The following DHX57 variants were observed in gnomAD, a reference collection of about 807,000 sequenced individuals.
DHX57 encodes the protein DExH-box helicase 57, also known as putative ATP-dependent RNA helicase DHX57.
A neutral mutation model predicts 156.2 loss-of-function variants in DHX57; 105 were observed. That is an observed-to-expected ratio of 0.67 (90% CI 0.57 to 0.79). DHX57 has a LOEUF of 0.79. DHX57 is among the 30% of genes least tolerant of loss of function. DHX57 has a pLI of 0.00. For missense variants in DHX57, 1,847 were observed against 1,661.9 expected (o/e 1.11, Z -1.94); for synonymous variants, 704 against 595.6 (o/e 1.18, Z -2.65).
At chr2:38,867,508 CA>C in intron 2 of DHX57, among the ~76,000 whole-genome samples, 1 of 152,282 alleles carries the variant, frequency 6.6e-6, no homozygotes. Flanking sequence ...CTGGAAAATA[CA>C]CAGCTCATCA....
chr2:38,818,055 C>G (rs1283394207), intron 19 of DHX57, among the ~76,000 whole-genome samples: 1 of 151,884 alleles, frequency 6.6e-6, no homozygotes, highest in East Asian at 1.9e-4. Flanking sequence ...GAAAAATTAA[C>G]AAAATCTGGT....
intron 19 of DHX57, among the ~76,000 whole-genome samples, chr2:38,817,374 G>A (rs1357728247): frequency 6.6e-6 from 1 of 152,060 alleles, no homozygotes; most frequent in Non-Finnish European, 1.5e-5. Context: ...GAGTGCAATG[G>A]CACAATCTCA....
chr2:38,799,755 A>AC (rs1669582451), intron 23 of DHX57, among the ~76,000 whole-genome samples: 1 of 147,708 alleles, frequency 6.8e-6, no homozygotes, highest in South Asian at 2.2e-4. Flanking sequence ...CATCTCAAAA[A>AC]AAAAAAAAAA....
intron 17 of DHX57, among the ~76,000 whole-genome samples, chr2:38,821,927 A>G (rs1410537963): frequency 1.3e-5 from 2 of 152,176 alleles, no homozygotes; most frequent in Non-Finnish European, 2.9e-5. Flanking sequence ...AAAAAAATAA[A>G]CTATCACAAC....
chr2:38,858,569 T>C, intron 6 of DHX57, 92 bp downstream of exon 6: 4 of 1,464,936 alleles, frequency 2.7e-6, no homozygotes, highest in Non-Finnish European at 3.6e-6. Context: ...ACCAGAAGAA[T>C]TTTAAGGAGG....
intron 16 of DHX57, among the ~76,000 whole-genome samples, chr2:38,823,947 G>A (rs1460852594): frequency 6.6e-6 from 1 of 151,992 alleles, no homozygotes; most frequent in Non-Finnish European, 1.5e-5. Context: ...GGAGGTGGAG[G>A]TTGCAGTGAG....
In DHX57 at chr2:38,815,547, C is replaced by T; in HGVS notation, c.3580G>A (p.Gly1194Ser). 2 of 1,613,890 alleles carry T rather than the reference C, an allele frequency of 1.2e-6. No homozygotes were observed. Among genetic ancestry groups the T allele is most frequent in the Non-Finnish European group, 1.7e-6 (2 of 1,179,966 alleles). Residue 1194 changes from glycine to serine, a missense_variant, in exon 20 of 24, where the codon GGT (glycine) becomes AGT (serine). Physicochemically the swap from Gly to Ser is moderately conservative, Grantham distance 56. Coordinates refer to ENST00000457308, the MANE Select transcript of DHX57 (RefSeq NM_198963.3). The part of the protein sequence containing the change: ...EIEKRAQGGD[G>S]VLDATGEEAN... ...TCTTCTCCTGTGGCATCTAAGACAC[C>T]ATCTCCTCCTTGGGCCCTTTTCTCA...
chr2:38,842,305 C>A (rs1201190737), intron 12 of DHX57, among the ~76,000 whole-genome samples: 1 of 152,092 alleles, frequency 6.6e-6, no homozygotes, highest in Non-Finnish European at 1.5e-5. Flanking sequence ...TCAAAGGAGA[C>A]TAAGAATACA....
intron 1 of DHX57, among the ~76,000 whole-genome samples, chr2:38,869,314 C>A (rs1665246691): frequency 6.6e-6 from 1 of 151,966 alleles, no homozygotes. Flanking sequence ...GAAGTTCAAA[C>A]CTAAAGGTGC....
At chr2:38,806,830 ATTTT>A (rs1657730436) in intron 21 of DHX57, 137 bp from the exon 22 acceptor site, 1 of 815,344 alleles carries the variant, frequency 1.2e-6, no homozygotes, top group Non-Finnish European at 1.8e-6. Flanking sequence ...TTTCTTTCTT[ATTTT>A]GTTTCCTTCT....
rs926692589 is a variant in DHX57, at chr2:38,861,093, A to T, written c.1317T>A (p.Phe439Leu). Residue 439 changes from phenylalanine (F) to leucine (L), a missense_variant, in exon 5 of 24, where the codon TTT becomes TTA. Coordinates refer to ENST00000457308, the MANE Select transcript of DHX57 (RefSeq NM_198963.3). ...TTCTGGTCCTAGAGGGTACTGGCAG[A>T]AAGTTCACAGGAGGGTCACTATACT... ...HHKYSDPPVN[F>L]LPVPSRTRIN... 1.2e-6 allele frequency: 2 copies of T among 1,614,114 alleles called. No homozygotes were observed. The highest frequency in any genetic ancestry group is 2.7e-5 in the African/African-American group (2 of 74,936).
chr2:38,832,620 A>G (rs1257323364), intron 13 of DHX57, among the ~76,000 whole-genome samples: 1 of 150,564 alleles, frequency 6.6e-6, no homozygotes, highest in Non-Finnish European at 1.5e-5. Context: ...ATCTTGGTTC[A>G]CTGCAATCTC....
intron 1 of DHX57, among the ~76,000 whole-genome samples, chr2:38,870,976 C>T (rs1245309568): frequency 6.6e-6 from 1 of 151,412 alleles, no homozygotes; most frequent in Non-Finnish European, 1.5e-5. Context: ...AAAATGAAAA[C>T]TTTCTCAGAC....
At chr2:38,799,974 G>C (rs1669595772) in intron 23 of DHX57, among the ~76,000 whole-genome samples, 1 of 151,974 alleles carries the variant, frequency 6.6e-6, no homozygotes, top group African/African-American at 2.4e-5. Context: ...GATCACCTGA[G>C]GTCGGGAGTT....
Position 38,875,926 on chromosome 2 carries a change from G to A in DHX57, c.-146C>T, listed in dbSNP as rs2124963270. 1 of 397,264 alleles carries A rather than the reference G, an allele frequency of 2.5e-6. No individual in the cohort carries two copies. Among genetic ancestry groups the A allele is most frequent in the East Asian group, 3.6e-5 (1 of 28,010 alleles). The allele number at this position is 397,264 out of a possible 1,614,324, so 24.6% of individuals were successfully genotyped here. A position where few individuals can be genotyped will look rare whatever the true frequency, so the allele number is the denominator to read the frequency against. Reference sequence around the variant, plus strand: ...GCCCAGCTGCAGCGGCACAGTCCCGGCGCCTTCTGATTGGCTCAGCTACAG... The same window carrying A: ...GCCCAGCTGCAGCGGCACAGTCCCGACGCCTTCTGATTGGCTCAGCTACAG... On this transcript the variant is annotated 5_prime_UTR_variant, in exon 1 of 24. Coordinates refer to ENST00000457308, the MANE Select transcript of DHX57 (RefSeq NM_198963.3).
intron 9 of DHX57, among the ~76,000 whole-genome samples, chr2:38,850,717 G>A (rs1469237527): frequency 6.6e-6 from 1 of 151,470 alleles, no homozygotes. Flanking sequence ...ACAACAACAG[G>A]CAAATGGTTA....
rs568675343 is a variant in DHX57, at chr2:38,866,182, C to G, written c.224+2000G>C. 1.5e-3 allele frequency among the ~76,000 whole-genome samples: 221 copies of G among 152,288 alleles called. 1 individual carries two copies. Among genetic ancestry groups the G allele is most frequent in the Non-Finnish European group, 1.4e-3 (92 of 68,020 alleles). On this transcript the variant is annotated intron_variant, in intron 2 of 23. Transcript: ENST00000457308. Reference sequence around the variant, plus strand: ...AATATCACACACCCTTGCCTCAAACCCTCCAAAGGCCTTCTGTCTTACTTC... The same window carrying G: ...AATATCACACACCCTTGCCTCAAACGCTCCAAAGGCCTTCTGTCTTACTTC...
intron 2 of DHX57, among the ~76,000 whole-genome samples, chr2:38,863,746 C>T (rs888063383): frequency 2.6e-5 from 4 of 152,200 alleles, no homozygotes; most frequent in African/African-American, 9.7e-5. Flanking sequence ...GGCGCAGTGG[C>T]TCACGCCTGT....
chr2:38,840,558 G>T (rs990319056), intron 12 of DHX57, among the ~76,000 whole-genome samples: 1 of 136,568 alleles, frequency 7.3e-6, no homozygotes, highest in Non-Finnish European at 1.6e-5. Flanking sequence ...TTTTTGTAAG[G>T]ACTTTTGTTT....
Sources: allele counts gnomAD v4.1 joint callset (sites outside exome capture counted in the v4.1 genomes callset), GRCh38; gene constraint gnomAD v4.1.1; transcripts MANE v1.5; gene names NCBI Gene and HGNC (gene_info 2026-07-23, HGNC 2026-07-21).